PATJ: variants seen among roughly 807,000 people sequenced by gnomAD.
PATJ encodes PATJ crumbs cell polarity complex component.
A neutral mutation model predicts 224.9 loss-of-function variants in PATJ; 190 were observed. That is an observed-to-expected ratio of 0.84 (90% CI 0.75 to 0.95). PATJ has a LOEUF of 0.95. Ranked by LOEUF, PATJ falls within the 40% of genes least tolerant of loss-of-function variation. PATJ has a pLI of 0.00. For missense variants in PATJ, 2,121 were observed against 2,270.3 expected (o/e 0.93, Z 1.34); for synonymous variants, 769 against 820.3 (o/e 0.94, Z 1.07).
At chr1:61,817,999 C>T (rs771544864) in intron 14 of PATJ, among the ~76,000 whole-genome samples, 1 of 152,196 alleles carries the variant, frequency 6.6e-6, no homozygotes, top group Non-Finnish European at 1.5e-5. Context: ...CCCACCGACA[C>T]CTTTTTGAAG....
At chr1:61,893,479 T>C (rs1272778069) in intron 22 of PATJ, among the ~76,000 whole-genome samples, 3 of 112,448 alleles carry the variant, frequency 2.7e-5, no homozygotes, top group African/African-American at 7.3e-5. Flanking sequence ...CCTTCTATTT[T>C]AGGGTGTTTT....
In PATJ at chr1:61,884,370, C is replaced by T. The variant is rs369405651; in HGVS notation, c.3093C>T (p.Tyr1031=). 6 of 1,609,420 alleles carry T rather than the reference C, an allele frequency of 3.7e-6. No individual in the cohort carries two copies. Among genetic ancestry groups the T allele is most frequent in the Middle Eastern group, 1.7e-4 (1 of 6,038 alleles). The change falls in exon 22 of 44, where the codon TAC becomes TAT. Residue 1031 remains tyrosine (Y), a synonymous_variant. Transcript: ENST00000642238. ...ATRVISKASA[Y]TGMLSSRYAT... ...GAGTTATTTCCAAGGCCTCAGCATA[C>T]ACAGGAATGTTGTCTTCTAGATATG...
intron 21 of PATJ, among the ~76,000 whole-genome samples, chr1:61,876,311 T>A (rs929800854): frequency 1.3e-5 from 2 of 152,138 alleles, no homozygotes; most frequent in African/African-American, 4.8e-5. Flanking sequence ...ATTAGATGAA[T>A]CTACCCAAGT....
intron 37 of PATJ, chr1:62,120,817 T>A: frequency 5.2e-6 from 1 of 192,332 alleles, no homozygotes; most frequent in Admixed American, 6.1e-5. Context: ...TAACCCCAAA[T>A]GAAACATAGT....
At chr1:62,042,223 C>T (rs935629044) in intron 30 of PATJ, among the ~76,000 whole-genome samples, 1 of 152,034 alleles carries the variant, frequency 6.6e-6, no homozygotes, top group Non-Finnish European at 1.5e-5. Context: ...ATATGCTATG[C>T]GGGCGATGTT....
At chr1:61,886,960 G>A (rs747203190) in intron 22 of PATJ, among the ~76,000 whole-genome samples, 1 of 151,304 alleles carries the variant, frequency 6.6e-6, no homozygotes, top group African/African-American at 2.4e-5. Flanking sequence ...CAGCCTGGGT[G>A]ACATAGCGAG....
At chr1:61,799,845 C>T (rs928486242) in intron 11 of PATJ, among the ~76,000 whole-genome samples, 1 of 152,144 alleles carries the variant, frequency 6.6e-6, no homozygotes, top group African/African-American at 2.4e-5. Flanking sequence ...GAATAATGGC[C>T]TCCAGCACCA....
chr1:61,879,833 AT>A (rs11386909), intron 21 of PATJ, among the ~76,000 whole-genome samples: 144 of 145,594 alleles, frequency 9.9e-4, no homozygotes, highest in Middle Eastern at 3.6e-3. Context: ...TACTCCATCT[AT>A]TTTTTTTTTT....
intron 37 of PATJ, chr1:62,117,552 G>A (rs1042464476): frequency 1.1e-5 from 3 of 262,660 alleles, no homozygotes; most frequent in East Asian, 1.8e-4. Context: ...ACCCTCATTA[G>A]CACAACATTG....
intron 14 of PATJ, among the ~76,000 whole-genome samples, chr1:61,811,740 A>G (rs564779838): frequency 6.8e-6 from 1 of 148,092 alleles, no homozygotes; most frequent in Non-Finnish European, 1.5e-5. Flanking sequence ...TTACATTATA[A>G]TTCTCCAGCT....
intron 33 of PATJ, among the ~76,000 whole-genome samples, chr1:62,088,957 G>A (rs1052512932): frequency 2.6e-5 from 4 of 151,470 alleles, no homozygotes; most frequent in South Asian, 4.2e-4. Context: ...ACACTTTCCC[G>A]AGGAGGTGTT....
chr1:61,863,670 A>G (rs1018266091), intron 19 of PATJ, among the ~76,000 whole-genome samples: 4 of 152,228 alleles, frequency 2.6e-5, no homozygotes, highest in African/African-American at 9.6e-5. Flanking sequence ...TCATTCCTTC[A>G]TATTTATTTT....
At chr1:62,154,437 G>A (rs140860983) in intron 43 of PATJ, among the ~76,000 whole-genome samples, 1 of 152,106 alleles carries the variant, frequency 6.6e-6, no homozygotes, top group African/African-American at 2.4e-5. Context: ...GGGAGCCTGA[G>A]GTGGGTGGAT....
rs1374339898 is a variant in PATJ at position 61,813,370 on chromosome 1, TATATATATACACACAC to T, written c.1683+4842_1683+4857del. Among the ~76,000 whole-genome samples, 127 of 44,552 alleles carry T rather than the reference TATATATATACACACAC, an allele frequency of 2.9e-3. 1 individual carries two copies. Among genetic ancestry groups the T allele is most frequent in the African/African-American group, 4.5e-3 (50 of 11,026 alleles). 29.2% of individuals were successfully genotyped at this position (44,552 alleles called of 152,430 possible). On this transcript the variant is annotated intron_variant, in intron 14 of 43. Coordinates refer to ENST00000642238, the MANE Select transcript of PATJ (RefSeq NM_001350145.3). ...ATATATATATATATATATATATATA[TATATATATACACACAC>T]ACACACACACACATACACACATATA...
chr1:62,050,477 T>G (rs1015196827), intron 30 of PATJ, among the ~76,000 whole-genome samples: 10 of 152,244 alleles, frequency 6.6e-5, no homozygotes, highest in African/African-American at 2.4e-4. Flanking sequence ...ATCCTAAGGC[T>G]GGTTCCCTCA....
At position 61,786,873 on chromosome 1, in the gene PATJ, CTGCTCAGGA is replaced by C. The variant is rs370836088; in HGVS notation, c.850-880_850-872del. ...TGGTGGTGCGCGCCTGTAATCCCAGCTGCTCAGGAGGCTGAGGCAGGAGAATTGCTTGAA... is the reference window on the plus strand; with the variant it reads ...TGGTGGTGCGCGCCTGTAATCCCAGCGGCTGAGGCAGGAGAATTGCTTGAA... On this transcript the variant is annotated intron_variant, in intron 7 of 43. Transcript: ENST00000642238. Among the ~76,000 whole-genome samples the C allele has an allele frequency of 9.1e-4, 139 of 152,146 alleles. 2 individuals are homozygous for C. In the South Asian group the frequency reaches 0.028, roughly 31 times the overall value.
intron 27 of PATJ, chr1:61,952,164 T>G (rs754295534): frequency 2.1e-6 from 1 of 476,200 alleles, no homozygotes; most frequent in East Asian, 3.0e-5. Context: ...GGTGACTGTT[T>G]AGCTTGAGGA....
intron 41 of PATJ, among the ~76,000 whole-genome samples, chr1:62,146,293 G>A (rs1309018523): frequency 6.6e-6 from 1 of 152,172 alleles, no homozygotes; most frequent in African/African-American, 2.4e-5. Context: ...ACACATCACT[G>A]CAGATGACCC....
At chr1:61,960,760 ATCT>A (rs1483665314) in intron 27 of PATJ, among the ~76,000 whole-genome samples, 1 of 152,134 alleles carries the variant, frequency 6.6e-6, no homozygotes, top group Non-Finnish European at 1.5e-5. Context: ...ATTTCCCAAA[ATCT>A]TGATGCCAGT....
Sources: allele counts gnomAD v4.1 joint callset (sites outside exome capture counted in the v4.1 genomes callset), GRCh38; gene constraint gnomAD v4.1.1; transcripts MANE v1.5; gene names NCBI Gene and HGNC (gene_info 2026-07-23, HGNC 2026-07-21).